TCF20: variants seen among roughly 807,000 people sequenced by gnomAD.
TCF20 encodes transcription factor 20.
Under a neutral mutation model 148.6 loss-of-function variants are expected in TCF20, and 3 were observed. That is an observed-to-expected ratio of 0.02 (90% confidence interval 0.01 to 0.05). The LOEUF (loss-of-function observed/expected upper bound fraction) is 0.05, where lower values mean the gene tolerates loss of function less well. TCF20 is among the 10% of genes least tolerant of loss of function. The pLI is 1.00. For synonymous variants in TCF20, 1,049 were observed against 909.5 expected, an observed-to-expected ratio of 1.15 and a Z score of -2.76; for missense variants, 2,350 against 2,429.3, an observed-to-expected ratio of 0.97 and a Z score of 0.69.
At chr22:42,229,146 G>C (rs1468238639) in intron 1 of TCF20, among the ~76,000 whole-genome samples, 1 of 152,174 alleles carries the variant, frequency 6.6e-6, no homozygotes, top group Non-Finnish European at 1.5e-5. Context: ...TAGGAAGGAG[G>C]AAAGGCAGTG....
At chr22:42,282,138 A>G (rs1926915489) in intron 1 of TCF20, among the ~76,000 whole-genome samples, 1 of 152,168 alleles carries the variant, frequency 6.6e-6, no homozygotes, top group South Asian at 2.1e-4. Context: ...AGGGGAAGGG[A>G]GACTGGAAGG....
intron 1 of TCF20, among the ~76,000 whole-genome samples, chr22:42,332,101 G>A (rs999912924): frequency 6.6e-6 from 1 of 152,320 alleles, no homozygotes; most frequent in South Asian, 2.1e-4. Flanking sequence ...GCCTCCTGGA[G>A]TTTTCTGTCT....
chr22:42,246,966 A>T (rs1468812910), intron 1 of TCF20, among the ~76,000 whole-genome samples: 3 of 149,672 alleles, frequency 2.0e-5, no homozygotes, highest in African/African-American at 7.4e-5. Flanking sequence ...ACTCTGTCTC[A>T]AAAAATTAAA....
In TCF20 at chr22:42,211,452, A is replaced by T; in HGVS notation, c.3854T>A (p.Leu1285His). The T allele has an allele frequency of 6.2e-7, 1 of 1,614,208 alleles. No homozygotes were observed. Among genetic ancestry groups the T allele is most frequent in the Middle Eastern group, 1.7e-4 (1 of 6,060 alleles). Residue 1285 changes from leucine (L) to histidine (H), a missense_variant, in exon 2 of 6, where the codon CTT becomes CAT. Leu to His is a moderately conservative substitution (Grantham distance 99, BLOSUM62 -3). Transcript: ENST00000677622. Reference sequence around the variant, plus strand: ...ATCAGCGCCTTCTTTTGATGAGTGAAGGAGGCGACCTTTATCTTCAGTGCT... The same window carrying T: ...ATCAGCGCCTTCTTTTGATGAGTGATGGAGGCGACCTTTATCTTCAGTGCT... ...NSSTEDKGRL[L>H]HSSKEGADKA...
chr22:42,180,576 GA>G (rs1383772680), intron 2 of TCF20, among the ~76,000 whole-genome samples: 1 of 152,224 alleles, frequency 6.6e-6, no homozygotes, highest in African/African-American at 2.4e-5. Flanking sequence ...AGACTAGCTG[GA>G]AGAGACAGAA....
chr22:42,320,670 T>C (rs1168256808), intron 1 of TCF20, among the ~76,000 whole-genome samples: 1 of 152,164 alleles, frequency 6.6e-6, no homozygotes, highest in Non-Finnish European at 1.5e-5. Flanking sequence ...AGGGGACTGA[T>C]GTGGGGATGA....
chr22:42,275,634 CCT>C (rs1293632748), upstream of TCF20, among the ~76,000 whole-genome samples: 2 of 152,190 alleles, frequency 1.3e-5, no homozygotes, highest in Non-Finnish European at 2.9e-5. Flanking sequence ...CCCATTCACT[CCT>C]CACAACAAAC....
In TCF20 at chr22:42,311,830, A is replaced by G. The variant is rs1777907186; in HGVS notation, c.-37+31649T>C. The stretch of plus-strand genomic sequence containing the variant: ...CCCCGTCTCTTCCACAGACCCCTGC[A>G]CCAGAGCCCTGCATAGTCAAGACAG... On this transcript the variant is annotated intron_variant, in intron 1 of 1. Coordinates refer to the TCF20 transcript ENST00000515426. Among the ~76,000 whole-genome samples, 3 of 152,186 alleles carry G rather than the reference A, an allele frequency of 2.0e-5. No individual in the cohort carries two copies. The South Asian group carries it at 6.2e-4, about 32-fold the overall frequency.
At chr22:42,261,507 ACAAT>A (rs1926026369) in intron 1 of TCF20, among the ~76,000 whole-genome samples, 1 of 152,170 alleles carries the variant, frequency 6.6e-6, no homozygotes, top group South Asian at 2.1e-4. Context: ...TACCTATGCC[ACAAT>A]CAAACTCACA....
At chr22:42,264,790 T>C (rs1421409826) in intron 1 of TCF20, among the ~76,000 whole-genome samples, 2 of 152,260 alleles carry the variant, frequency 1.3e-5, no homozygotes, top group Non-Finnish European at 2.9e-5. Context: ...GAGTAGGCTC[T>C]TTCTTGCCCA....
At chr22:42,255,811 T>C (rs983751785) in intron 1 of TCF20, among the ~76,000 whole-genome samples, 2 of 152,004 alleles carry the variant, frequency 1.3e-5, no homozygotes, top group Non-Finnish European at 2.9e-5. Context: ...AACCATGTAT[T>C]CACACCTCTC....
chr22:42,194,143 C>T (rs1937478589), intron 2 of TCF20, among the ~76,000 whole-genome samples: 1 of 152,192 alleles, frequency 6.6e-6, no homozygotes, highest in African/African-American at 2.4e-5. Context: ...CTTTATGTGG[C>T]TGGATCATTT....
rs747895433 is a variant in TCF20 at position 42,214,303 on chromosome 22, C to A, written c.1003G>T (p.Ala335Ser). The A allele has an allele frequency of 6.2e-7, 1 of 1,614,206 alleles. No homozygotes were observed. Among genetic ancestry groups the A allele is most frequent in the Non-Finnish European group, 8.5e-7 (1 of 1,180,036 alleles). The change falls in exon 2 of 6, where the codon GCC becomes TCC. Residue 335 changes from alanine (A) to serine (S), a missense_variant. This residue lies in a region of TCF20 where 1,641 missense variants were observed against 1,662.6 expected (regional missense o/e 0.99). Transcript: ENST00000677622. ...TGGCTTTGCAGGGGCAGCTTGGTGG[C>A]AGCGTTAGTATACTGCATCACATGC... is the stretch of plus-strand genomic sequence containing the variant. Reference protein sequence around the residue: ...SQHVMQYTNAATKLPLQSQVG... With the variant: ...SQHVMQYTNASTKLPLQSQVG...
intron 1 of TCF20, among the ~76,000 whole-genome samples, chr22:42,267,905 G>C (rs1926377847): frequency 6.6e-6 from 1 of 152,200 alleles, no homozygotes; most frequent in African/African-American, 2.4e-5. Context: ...CAGCACTTTG[G>C]GAAGTCAAGG....
chr22:42,336,106 G>C (rs1928062982), intron 1 of TCF20, among the ~76,000 whole-genome samples: 1 of 152,210 alleles, frequency 6.6e-6, no homozygotes, highest in African/African-American at 2.4e-5. Context: ...GAGCAGGTTG[G>C]GTGAACTCCT....
chr22:42,305,209 G>A (rs1028015511), intron 1 of TCF20, among the ~76,000 whole-genome samples: 2 of 152,074 alleles, frequency 1.3e-5, no homozygotes, highest in African/African-American at 4.8e-5. Context: ...GGCCCCCAAG[G>A]CTGCTGGTAA....
At chr22:42,171,662 A>G (rs1211652975) in intron 3 of TCF20, among the ~76,000 whole-genome samples, 2 of 152,214 alleles carry the variant, frequency 1.3e-5, no homozygotes, top group South Asian at 2.1e-4. Flanking sequence ...TAGTGTGACC[A>G]AGACTCCCGC....
intron 1 of TCF20, among the ~76,000 whole-genome samples, chr22:42,243,585 G>C (rs1192738638): frequency 2.6e-5 from 4 of 151,940 alleles, no homozygotes; most frequent in Non-Finnish European, 4.4e-5. Flanking sequence ...CTGGGCAACA[G>C]AGCAAGACTC....
upstream of TCF20, among the ~76,000 whole-genome samples, chr22:42,271,826 A>C (rs527344723): frequency 6.6e-6 from 1 of 152,254 alleles, no homozygotes; most frequent in South Asian, 2.1e-4. Context: ...GCAGGTGGGG[A>C]TTGTCAGGAA....
Sources: allele counts gnomAD v4.1 joint callset (sites outside exome capture counted in the v4.1 genomes callset), GRCh38; gene constraint gnomAD v4.1.1; regional missense constraint gnomAD v4.1.1; transcripts MANE v1.5; gene names NCBI Gene and HGNC (gene_info 2026-07-23, HGNC 2026-07-21).